SORCS1: variants seen among roughly 807,000 people sequenced by gnomAD.
The protein encoded by SORCS1 is sortilin related VPS10 domain containing receptor 1, also known as VPS10 domain-containing receptor SorCS1.
Under a neutral mutation model 146.1 loss-of-function variants are expected in SORCS1, and 60 were observed. That is an observed-to-expected ratio of 0.41 (90% confidence interval 0.33 to 0.51). The LOEUF (loss-of-function observed/expected upper bound fraction) is 0.51. Ranked by LOEUF, SORCS1 falls within the 20% of genes least tolerant of loss-of-function variation. The pLI is 0.21. For synonymous variants in SORCS1, 637 were observed against 584.0 expected (o/e 1.09, Z -1.31); for missense variants, 1,352 against 1,487.6 (o/e 0.91, Z 1.50).
Position 106,688,060 on chromosome 10 carries a change from C to T in SORCS1, c.1560+132G>A, listed in dbSNP as rs1852997058. 9 of 1,256,594 alleles carry T rather than the reference C, an allele frequency of 7.2e-6. No homozygotes were observed. In the South Asian group the frequency reaches 7.9e-5, roughly 11 times the overall value. 77.8% of individuals were successfully genotyped at this position (1,256,594 alleles called of 1,614,324 possible). Reference sequence around the variant, plus strand: ...TGCTGTGAGTTTTCTACACCCTTTGCCTTCACGCCCTTCCCCACTCCCTTT... The same window carrying T: ...TGCTGTGAGTTTTCTACACCCTTTGTCTTCACGCCCTTCCCCACTCCCTTT... On this transcript the variant is annotated intron_variant, in intron 10 of 25. Transcript: ENST00000263054.
Position 106,913,691 on chromosome 10 carries a change from G to T in SORCS1, c.626+42822C>A, listed in dbSNP as rs186296656. On this transcript the variant is annotated intron_variant, in intron 2 of 25. Coordinates refer to ENST00000263054, the MANE Select transcript of SORCS1 (RefSeq NM_052918.5). ...AGTAGAACTTTAACGCATGCAAAAT[G>T]GAGTACTAGTTCTTGTCTCAGCTCA... is the stretch of plus-strand genomic sequence containing the variant. Among the ~76,000 whole-genome samples the T allele has an allele frequency of 3.3e-5, 5 of 152,328 alleles. No homozygotes were observed. In the East Asian group the frequency reaches 9.6e-4, roughly 29 times the overall value.
intron 2 of SORCS1, among the ~76,000 whole-genome samples, chr10:106,872,291 G>A (rs1214734959): frequency 6.6e-6 from 1 of 152,238 alleles, no homozygotes; most frequent in Non-Finnish European, 1.5e-5. Context: ...AAGAGGCAGA[G>A]AGAAGATCAA....
intron 1 of SORCS1, among the ~76,000 whole-genome samples, chr10:106,957,165 G>GTTTTTTTTTTTTGTTT (rs374081494): frequency 1.4e-5 from 2 of 138,038 alleles, no homozygotes; most frequent in African/African-American, 2.8e-5. Context: ...GTTTTTTTTT[G>GTTTTTTTTTTTTGTTT]TTTTTTTTGT....
chr10:106,706,696 A>T, intron 7 of SORCS1, 62 bp from the exon 8 acceptor site: 1 of 1,466,240 alleles, frequency 6.8e-7, no homozygotes, highest in Non-Finnish European at 9.6e-7. Context: ...AGGTCACAGA[A>T]CAGTCACCTG....
intron 1 of SORCS1, among the ~76,000 whole-genome samples, chr10:106,962,039 G>C (rs984425711): frequency 6.6e-6 from 1 of 152,180 alleles, no homozygotes; most frequent in Non-Finnish European, 1.5e-5. Context: ...GAGGTTGGGG[G>C]GGTGTCAGTG....
At chr10:106,857,939 G>A (rs759233720) in intron 2 of SORCS1, among the ~76,000 whole-genome samples, 13 of 152,150 alleles carry the variant, frequency 8.5e-5, no homozygotes, top group South Asian at 6.2e-4. Context: ...AATCTGCCCC[G>A]AAATACGTTT....
intron 1 of SORCS1, among the ~76,000 whole-genome samples, chr10:106,984,758 T>C (rs1209600096): frequency 6.6e-6 from 1 of 152,110 alleles, no homozygotes; most frequent in Non-Finnish European, 1.5e-5. Context: ...GAGCATGAAA[T>C]TAAATTTTAT....
chr10:106,940,914 T>C (rs952034242), intron 2 of SORCS1, among the ~76,000 whole-genome samples: 1 of 152,142 alleles, frequency 6.6e-6, no homozygotes, highest in African/African-American at 2.4e-5. Context: ...AATTATTCTC[T>C]GTGTGGATAG....
intron 1 of SORCS1, among the ~76,000 whole-genome samples, chr10:106,957,174 G>GT (rs1288054851): frequency 0.023 from 1,466 of 62,646 alleles, 35 homozygotes; most frequent in African/African-American, 0.067. Context: ...TGTTTTTTTT[G>GT]TTTTTTTTTT....
intron 1 of SORCS1, among the ~76,000 whole-genome samples, chr10:107,145,908 T>G (rs1262432332): frequency 6.6e-6 from 1 of 152,216 alleles, no homozygotes; most frequent in African/African-American, 2.4e-5. Context: ...TAGCTCTATT[T>G]TTAAGTCAGT....
intron 18 of SORCS1, among the ~76,000 whole-genome samples, chr10:106,648,161 T>C (rs1379823510): frequency 6.6e-6 from 1 of 152,146 alleles, no homozygotes; most frequent in Non-Finnish European, 1.5e-5. Flanking sequence ...ATATCTACCA[T>C]TTTAGTATTT....
chr10:107,169,704 T>C (rs1000368034), upstream of SORCS1, among the ~76,000 whole-genome samples: 22 of 152,186 alleles, frequency 1.4e-4, no homozygotes, highest in Admixed American at 6.5e-5. Flanking sequence ...AGGGGGCAGT[T>C]TTTGCCTGTA....
chr10:107,148,827 C>A (rs1359625138), intron 1 of SORCS1, among the ~76,000 whole-genome samples: 1 of 152,172 alleles, frequency 6.6e-6, no homozygotes, highest in Non-Finnish European at 1.5e-5. Context: ...TGGAAGGGAG[C>A]TAATTCCTAC....
intron 14 of SORCS1, among the ~76,000 whole-genome samples, chr10:106,674,356 A>AAAAAAAAAAAAAAT (rs1851863006): frequency 6.8e-6 from 1 of 147,600 alleles, no homozygotes; most frequent in Non-Finnish European, 1.5e-5. Context: ...AAAAAAAAAA[A>AAAAAAAAAAAAAAT]AGTAGTAGTG....
At chr10:106,676,933 T>A (rs996041974) in intron 13 of SORCS1, among the ~76,000 whole-genome samples, 1 of 152,134 alleles carries the variant, frequency 6.6e-6, no homozygotes, top group African/African-American at 2.4e-5. Context: ...ATTGCCTAAT[T>A]GACAACTTGC....
chr10:106,716,147 T>C (rs974500555), intron 6 of SORCS1, among the ~76,000 whole-genome samples: 5 of 152,178 alleles, frequency 3.3e-5, no homozygotes, highest in Admixed American at 1.3e-4. Context: ...TATATAATAA[T>C]TAATACAAAT....
In SORCS1 at chr10:107,163,867, G is replaced by GT. The variant is rs1260316032; in HGVS notation, c.558+101dup. 3 of 1,339,468 alleles carry GT rather than the reference G, an allele frequency of 2.2e-6. No homozygotes were observed. In the African/African-American group the frequency reaches 4.4e-5, roughly 20 times the overall value. The allele number at this position is 1,339,468 out of a possible 1,614,324, so 83.0% of individuals were successfully genotyped here. A position where few individuals can be genotyped will look rare whatever the true frequency, so the allele number is the denominator to read the frequency against. ...GAGACCAGTTTGCAGCATCTCCCAT[G>GT]TCCAGAAACCCTATTTCCCCCCAAT... On this transcript the variant is annotated intron_variant, in intron 1 of 25. Coordinates refer to ENST00000263054, the MANE Select transcript of SORCS1 (RefSeq NM_052918.5).
intron 1 of SORCS1, among the ~76,000 whole-genome samples, chr10:107,108,867 C>T (rs951835674): frequency 2.0e-5 from 3 of 152,176 alleles, no homozygotes; most frequent in Admixed American, 6.5e-5. Context: ...ATTGGATAAA[C>T]ATTCTCATTC....
At chr10:106,615,541 T>C (rs1287412794) in intron 21 of SORCS1, among the ~76,000 whole-genome samples, 6 of 152,126 alleles carry the variant, frequency 3.9e-5, no homozygotes, top group Non-Finnish European at 8.8e-5. Context: ...GAACCAGGTG[T>C]GGTTACTCAT....
Sources: gnomAD v4.1 joint callset for allele counts (sites outside exome capture counted in the v4.1 genomes callset) on GRCh38, gnomAD v4.1.1 for gene constraint, MANE v1.5 for transcripts, NCBI Gene and HGNC (gene_info 2026-07-23, HGNC 2026-07-21) for gene names.